The following MARCHF1 variants were observed in gnomAD, a reference collection of about 807,000 sequenced individuals.
The protein encoded by MARCHF1 is membrane associated ring-CH-type finger 1.
In MARCHF1, 40 loss-of-function variants were observed where a neutral mutation model predicts 54.2. That is an observed-to-expected ratio of 0.74 (90% CI 0.57 to 0.96). The LOEUF (loss-of-function observed/expected upper bound fraction) is 0.96. MARCHF1 is among the 40% of genes least tolerant of loss of function. The pLI is 0.00. For missense variants in MARCHF1, 586 were observed against 656.5 expected, an observed-to-expected ratio of 0.89 and a Z score of 1.17; for synonymous variants, 236 against 236.3, an observed-to-expected ratio of 1.00 and a Z score of 0.01.
intron 3 of MARCHF1, among the ~76,000 whole-genome samples, chr4:163,889,490 C>G (rs1235981820): frequency 6.6e-6 from 1 of 151,982 alleles, no homozygotes; most frequent in South Asian, 2.1e-4. Context: ...ATTTCATATT[C>G]TTTGGTATAG....
intron 2 of MARCHF1, among the ~76,000 whole-genome samples, chr4:164,106,717 G>A (rs1438868355): frequency 1.4e-5 from 2 of 145,412 alleles, no homozygotes; most frequent in Non-Finnish European, 3.0e-5. Flanking sequence ...GTATACATAT[G>A]TAACTAACCT....
chr4:164,256,346 C>A (rs1733280009), intron 1 of MARCHF1, among the ~76,000 whole-genome samples: 1 of 147,238 alleles, frequency 6.8e-6, no homozygotes. Context: ...CAAAGTGGTG[C>A]TCAGAATAAA....
intron 1 of MARCHF1, among the ~76,000 whole-genome samples, chr4:164,379,827 T>G (rs1039872926): frequency 7.9e-5 from 12 of 151,896 alleles, no homozygotes; most frequent in Admixed American, 6.6e-4. Flanking sequence ...AATACAAAAA[T>G]TAGCCAGGCA....
At chr4:163,881,540 G>A (rs1323299627) in intron 3 of MARCHF1, among the ~76,000 whole-genome samples, 1 of 152,172 alleles carries the variant, frequency 6.6e-6, no homozygotes, top group Non-Finnish European at 1.5e-5. Context: ...TGTTTGCCAT[G>A]CACTGGAGGA....
intron 1 of MARCHF1, among the ~76,000 whole-genome samples, chr4:164,376,826 C>G (rs1731207171): frequency 6.6e-6 from 1 of 152,184 alleles, no homozygotes; most frequent in South Asian, 2.1e-4. Context: ...GAGTCAAAGG[C>G]TGCCTACAAT....
intron 1 of MARCHF1, among the ~76,000 whole-genome samples, chr4:164,173,761 G>C (rs1730588867): frequency 6.6e-6 from 1 of 152,094 alleles, no homozygotes; most frequent in South Asian, 2.1e-4. Context: ...AGCTTCCTGA[G>C]GTCCTCACTA....
chr4:163,685,850 C>G (rs1020138948), intron 5 of MARCHF1, among the ~76,000 whole-genome samples: 3 of 152,168 alleles, frequency 2.0e-5, no homozygotes, highest in African/African-American at 7.2e-5. Flanking sequence ...GTGTGTCACA[C>G]TGAAGAAAAG....
intron 3 of MARCHF1, among the ~76,000 whole-genome samples, chr4:163,896,983 T>G (rs1750820995): frequency 6.6e-6 from 1 of 152,214 alleles, no homozygotes; most frequent in African/African-American, 2.4e-5. Context: ...CTTGAATATT[T>G]GAGCTCTTAT....
intron 3 of MARCHF1, among the ~76,000 whole-genome samples, chr4:163,967,656 A>C (rs1372772215): frequency 6.6e-6 from 1 of 152,142 alleles, no homozygotes; most frequent in Non-Finnish European, 1.5e-5. Flanking sequence ...AAATAAGAGG[A>C]GCTCTATCTA....
intron 4 of MARCHF1, among the ~76,000 whole-genome samples, chr4:163,776,648 G>T (rs1425794738): frequency 6.6e-6 from 1 of 151,870 alleles, no homozygotes; most frequent in African/African-American, 2.4e-5. Context: ...ATCCATTGGG[G>T]GCTGACTGTT....
chr4:164,069,357 C>T (rs1187222834), intron 2 of MARCHF1, among the ~76,000 whole-genome samples: 5 of 152,226 alleles, frequency 3.3e-5, no homozygotes, highest in Admixed American at 3.3e-4. Flanking sequence ...GGATCCCCTT[C>T]CACACTGCGG....
At chr4:163,920,960 C>A (rs1751417485) in intron 3 of MARCHF1, among the ~76,000 whole-genome samples, 1 of 151,976 alleles carries the variant, frequency 6.6e-6, no homozygotes. Flanking sequence ...AAACTGGCTA[C>A]AATTCAGAAA....
At chr4:164,126,938 C>T (rs1054070647) in intron 1 of MARCHF1, among the ~76,000 whole-genome samples, 2 of 152,130 alleles carry the variant, frequency 1.3e-5, no homozygotes, top group African/African-American at 4.8e-5. Context: ...CCTGTAATCC[C>T]AGCTAATCTG....
At chr4:163,533,818 T>G (rs1290624147) in intron 9 of MARCHF1, among the ~76,000 whole-genome samples, 1 of 151,594 alleles carries the variant, frequency 6.6e-6, no homozygotes, top group Non-Finnish European at 1.5e-5. Context: ...ATTTGGAAAT[T>G]GGTAATGTAT....
At chr4:163,643,208 A>G in intron 5 of MARCHF1, among the ~76,000 whole-genome samples, 1 of 151,146 alleles carries the variant, frequency 6.6e-6, no homozygotes, top group South Asian at 2.1e-4. Context: ...CACGTCTGTA[A>G]TCCCAGCTAC....
chr4:163,612,266 C>A lies in MARCHF1; in HGVS notation c.1010+5G>T. 1 of 1,483,908 alleles carries A rather than the reference C, an allele frequency of 6.7e-7. No homozygotes were observed. The allele number at this position is 1,483,908 out of a possible 1,614,324, so 91.9% of individuals were successfully genotyped here. A position where few individuals can be genotyped will look rare whatever the true frequency, so the allele number is the denominator to read the frequency against. Reference sequence around the variant, plus strand: ...GACATCAAGCCTTTCTCTACAGTGACTGACCTGCATACTTCTAAATTATCA... The same window carrying A: ...GACATCAAGCCTTTCTCTACAGTGAATGACCTGCATACTTCTAAATTATCA... On this transcript the variant is annotated splice_donor_5th_base_variant and intron_variant, in intron 7 of 9. Transcript: ENST00000514618.
At position 163,929,932 on chromosome 4, in the gene MARCHF1, A is replaced by AT. The variant is rs1158657367; in HGVS notation, c.-39+58568dup. Among the ~76,000 whole-genome samples, 7 of 74,572 alleles carry AT rather than the reference A, an allele frequency of 9.4e-5. No individual in the cohort carries two copies. In the East Asian group the frequency reaches 1.0e-3, roughly 11 times the overall value. 48.9% of individuals were successfully genotyped at this position (74,572 alleles called of 152,430 possible). ...GAAATATATATAATATATATAATAT[A>AT]TTATATATTTATATTATATATATTA... On this transcript the variant is annotated intron_variant, in intron 3 of 9. Coordinates refer to ENST00000514618, the MANE Select transcript of MARCHF1 (RefSeq NM_001394959.1).
chr4:164,119,673 G>T (rs1402666443), intron 1 of MARCHF1, among the ~76,000 whole-genome samples: 1 of 151,704 alleles, frequency 6.6e-6, no homozygotes, highest in African/African-American at 2.4e-5. Flanking sequence ...CTTTTGAATA[G>T]TTGAAACTAA....
intron 1 of MARCHF1, among the ~76,000 whole-genome samples, chr4:164,182,301 C>T (rs1198613000): frequency 9.0e-6 from 1 of 111,612 alleles, no homozygotes; most frequent in Non-Finnish European, 1.7e-5. Context: ...CTAAACTTGA[C>T]TAATAAATAT....
Sources: gnomAD v4.1 joint callset for allele counts (sites outside exome capture counted in the v4.1 genomes callset) on GRCh38, gnomAD v4.1.1 for gene constraint, MANE v1.5 for transcripts, NCBI Gene and HGNC (gene_info 2026-07-23, HGNC 2026-07-21) for gene names.